The following PDXDC1 variants were observed in gnomAD, a reference collection of about 807,000 sequenced individuals.
PDXDC1 encodes pyridoxal-dependent decarboxylase domain-containing protein 1.
A neutral mutation model predicts 100.1 loss-of-function variants in PDXDC1; 42 were observed. The ratio of observed to expected loss-of-function variants is 0.42; its 90% CI spans 0.33 to 0.54. The LOEUF is 0.54. Ranked by LOEUF, PDXDC1 falls within the 20% of genes least tolerant of loss-of-function variation. PDXDC1 has a pLI of 0.10. For missense variants in PDXDC1, 636 were observed against 979.2 expected, an observed-to-expected ratio of 0.65 and a Z score of 4.68; for synonymous variants, 260 against 371.7, an observed-to-expected ratio of 0.70 and a Z score of 3.46.
chr16:14,978,852 C>T (rs1006127775), intron 1 of PDXDC1, among the ~76,000 whole-genome samples: 7 of 152,300 alleles, frequency 4.6e-5, no homozygotes, highest in African/African-American at 1.7e-4. Context: ...AGTTTCTCAG[C>T]GTCAGCACTA....
chr16:15,002,521 C>T (rs1435960320), intron 4 of PDXDC1, among the ~76,000 whole-genome samples: 1 of 152,300 alleles, frequency 6.6e-6, no homozygotes, highest in African/African-American at 2.4e-5. Context: ...TTTGTCAGAG[C>T]TATGTGTTTT....
intron 16 of PDXDC1, among the ~76,000 whole-genome samples, chr16:15,055,481 G>A (rs962752814): frequency 6.6e-6 from 1 of 152,222 alleles, no homozygotes; most frequent in Non-Finnish European, 1.5e-5. Flanking sequence ...CTGCTTCACG[G>A]GGACGCAAGG....
At chr16:15,109,212 T>C (rs558716525) in intron 16 of PDXDC1, 3 of 148,958 alleles carry the variant, frequency 2.0e-5, no homozygotes, top group South Asian at 4.4e-4. Context: ...CATGAAAGAC[T>C]GTGAAAATGA....
At chr16:15,087,958 T>C (rs1242210212) in intron 16 of PDXDC1, among the ~76,000 whole-genome samples, 1 of 151,512 alleles carries the variant, frequency 6.6e-6, no homozygotes, top group Non-Finnish European at 1.5e-5. Flanking sequence ...CTACTAAAAA[T>C]ACAAAATTAG....
chr16:15,022,050 A>G (rs1224948154), intron 12 of PDXDC1, among the ~76,000 whole-genome samples: 12 of 152,404 alleles, frequency 7.9e-5, no homozygotes, highest in East Asian at 3.9e-4. Flanking sequence ...TACTCAGTGA[A>G]TATCTGTTGA....
chr16:15,128,438 G>C (rs547487161), intron 16 of PDXDC1: 1 of 1,072,158 alleles, frequency 9.3e-7, no homozygotes, highest in Non-Finnish European at 1.4e-6. Flanking sequence ...TGCCCAACAC[G>C]TGTGGCATCC....
intron 7 of PDXDC1, 91 bp downstream of exon 7, chr16:15,008,938 T>C: frequency 2.5e-6 from 3 of 1,221,856 alleles, no homozygotes; most frequent in Non-Finnish European, 3.6e-6. Context: ...CTCCAGATAA[T>C]TAGTAACTTA....
downstream of PDXDC1, among the ~76,000 whole-genome samples, chr16:15,140,749 C>G (rs1416407524): frequency 6.6e-6 from 1 of 152,128 alleles, no homozygotes; most frequent in African/African-American, 2.4e-5. Flanking sequence ...CCCTCGGCCT[C>G]AAGCACCTCG....
chr16:15,031,317 A>T (rs2043052596), intron 16 of PDXDC1, among the ~76,000 whole-genome samples: 1 of 151,992 alleles, frequency 6.6e-6, no homozygotes. Context: ...CGGCGCTGTC[A>T]CCATCTCCCT....
At chr16:15,049,653 T>C (rs1383408057) in intron 16 of PDXDC1, among the ~76,000 whole-genome samples, 1 of 152,092 alleles carries the variant, frequency 6.6e-6, no homozygotes, top group African/African-American at 2.4e-5. Context: ...ATCAAACTCC[T>C]GGCCTCAAGT....
rs201818408 is a variant in PDXDC1 at position 15,034,510 on chromosome 16, G to A, written c.1959G>A (p.Pro653=). Residue 653 remains proline, a synonymous_variant, in exon 21 of 23, where the codon CCG becomes CCA. Transcript: ENST00000396410. ...VVGSVLNWFS[P]VQALQKGRTF... ...GCTCCGTGCTGAATTGGTTTTCTCCGGTCCAGGCTTTACAGAAGGGAAGAA... is the reference window on the plus strand; with the variant it reads ...GCTCCGTGCTGAATTGGTTTTCTCCAGTCCAGGCTTTACAGAAGGGAAGAA... 58 of 1,614,120 alleles carry A rather than the reference G, an allele frequency of 3.6e-5. No homozygotes were observed. The highest frequency in any genetic ancestry group is 3.3e-4 in the Middle Eastern group (2 of 6,030).
At chr16:15,099,294 C>A (rs962132629) in intron 16 of PDXDC1, among the ~76,000 whole-genome samples, 2 of 151,562 alleles carry the variant, frequency 1.3e-5, no homozygotes, top group Non-Finnish European at 2.9e-5. Context: ...GTGGCAGGTG[C>A]CTGTAATCCC....
chr16:15,124,404 T>A (rs1009541238), intron 16 of PDXDC1, among the ~76,000 whole-genome samples: 2 of 152,196 alleles, frequency 1.3e-5, no homozygotes, highest in African/African-American at 4.8e-5. Flanking sequence ...ACAGGAAATA[T>A]TCTATTGATG....
intron 16 of PDXDC1, among the ~76,000 whole-genome samples, chr16:15,053,011 A>C (rs1413347129): frequency 6.6e-6 from 1 of 152,160 alleles, no homozygotes; most frequent in Non-Finnish European, 1.5e-5. Context: ...TCATGCTGGG[A>C]TGGCCACCGT....
intron 22 of PDXDC1, 145 bp downstream of exon 22, chr16:15,035,698 T>C (rs1299492681): frequency 1.7e-6 from 1 of 601,024 alleles, no homozygotes; most frequent in Non-Finnish European, 2.9e-6. Flanking sequence ...TTGGTAGCCG[T>C]GGGATTCAGC....
At chr16:15,079,867 G>A in intron 16 of PDXDC1, 1 of 1,067,290 alleles carries the variant, frequency 9.4e-7, no homozygotes, top group East Asian at 2.9e-5. Flanking sequence ...AAAGTGCTGG[G>A]AATACAGGCG....
intron 16 of PDXDC1, chr16:15,056,002 GA>G: frequency 8.6e-7 from 1 of 1,169,328 alleles, no homozygotes; most frequent in Non-Finnish European, 1.1e-6. Flanking sequence ...CAGGCCCAGG[GA>G]GGCGGCGGCC....
chr16:15,047,766 A>G (rs1461429937), intron 16 of PDXDC1: 1 of 1,156,126 alleles, frequency 8.6e-7, no homozygotes, highest in African/African-American at 1.5e-5. Context: ...GCTTCCAACA[A>G]GACACCAGGA....
chr16:15,092,756 C>G, intron 16 of PDXDC1: 1 of 633,060 alleles, frequency 1.6e-6, no homozygotes, highest in Non-Finnish European at 2.8e-6. Context: ...TCTTAACCAA[C>G]AATCCTTCCT....
Sources: allele counts gnomAD v4.1 joint callset (sites outside exome capture counted in the v4.1 genomes callset), GRCh38; gene constraint gnomAD v4.1.1; transcripts MANE v1.5; gene names NCBI Gene and HGNC (gene_info 2026-07-23, HGNC 2026-07-21).